DLGAP2: variants seen among roughly 807,000 people sequenced by gnomAD.
DLGAP2 encodes the protein disks large-associated protein 2.
DLGAP2 carries 26 observed loss-of-function variants against 100.3 expected under a neutral mutation model. The observed-to-expected ratio is 0.26, with a 90% confidence interval of 0.19 to 0.36. The LOEUF is 0.36. Among genes scored for constraint, DLGAP2 ranks in the 10% least tolerant of loss-of-function variants. The probability of loss-of-function intolerance (pLI) is 1.00; values close to 1 mark genes in which losing one functional copy is unlikely to be tolerated. For missense variants in DLGAP2, 1,858 were observed against 1,453.2 expected, an observed-to-expected ratio of 1.28 and a Z score of -4.53; for synonymous variants, 886 against 630.1, an observed-to-expected ratio of 1.41 and a Z score of -6.08.
At chr8:1,500,581 C>G (rs1172111393) in intron 3 of DLGAP2, among the ~76,000 whole-genome samples, 2 of 152,272 alleles carry the variant, frequency 1.3e-5, no homozygotes, top group Non-Finnish European at 2.9e-5. Flanking sequence ...GGGAGGAGAG[C>G]TACGGGATGA....
intron 2 of DLGAP2, among the ~76,000 whole-genome samples, chr8:1,076,680 C>G (rs1385030062): frequency 2.6e-5 from 4 of 152,216 alleles, no homozygotes; most frequent in Admixed American, 6.5e-5. Context: ...TCGTCTTCCT[C>G]ATCGTTAAAG....
chr8:1,495,969 A>T (rs1484008191), intron 3 of DLGAP2, among the ~76,000 whole-genome samples: 1 of 152,088 alleles, frequency 6.6e-6, no homozygotes, highest in Non-Finnish European at 1.5e-5. Flanking sequence ...GATGGATGAA[A>T]CAAGACTGTG....
intron 1 of DLGAP2, among the ~76,000 whole-genome samples, chr8:884,989 A>G (rs1198904130): frequency 6.6e-6 from 1 of 152,094 alleles, no homozygotes. Flanking sequence ...CCATTGGTCT[A>G]TATGTCTGTT....
intron 5 of DLGAP2, among the ~76,000 whole-genome samples, chr8:1,559,822 C>T (rs1360855775): frequency 4.6e-5 from 7 of 152,244 alleles, no homozygotes; most frequent in Admixed American, 4.6e-4. Context: ...TGCCCAGGAA[C>T]TGGGTGGCCG....
chr8:1,371,629 T>G (rs1029218827), intron 3 of DLGAP2, among the ~76,000 whole-genome samples: 2 of 152,236 alleles, frequency 1.3e-5, no homozygotes, highest in African/African-American at 4.8e-5. Context: ...TTCTTAAATT[T>G]GATGGTAATG....
At chr8:979,352 A>G (rs1259866789) in intron 2 of DLGAP2, among the ~76,000 whole-genome samples, 1 of 152,228 alleles carries the variant, frequency 6.6e-6, no homozygotes, top group Non-Finnish European at 1.5e-5. Flanking sequence ...CCACCCCACA[A>G]GGGAGAAATT....
chr8:1,508,627 G>C (rs905085207), intron 4 of DLGAP2, among the ~76,000 whole-genome samples: 1 of 143,684 alleles, frequency 7.0e-6, no homozygotes, highest in Admixed American at 7.1e-5. Flanking sequence ...GTGCCAGTAA[G>C]AATGACCTGG....
At chr8:1,520,312 G>A (rs1800548763) in intron 4 of DLGAP2, among the ~76,000 whole-genome samples, 1 of 152,158 alleles carries the variant, frequency 6.6e-6, no homozygotes, top group Non-Finnish European at 1.5e-5. Context: ...TGCAATCGGG[G>A]AACCCAGAAA....
At chr8:1,192,013 G>A (rs946614656) in intron 2 of DLGAP2, among the ~76,000 whole-genome samples, 1 of 152,266 alleles carries the variant, frequency 6.6e-6, no homozygotes, top group African/African-American at 2.4e-5. Context: ...TGTGAGTTCC[G>A]GTTACCTTGT....
At chr8:1,407,260 GTGCTT>G (rs1225072709) in intron 3 of DLGAP2, among the ~76,000 whole-genome samples, 4 of 28,276 alleles carry the variant, frequency 1.4e-4, no homozygotes, top group Admixed American at 5.8e-4. Context: ...CGTGTATTGA[GTGCTT>G]ACTGAGCGCC....
intron 1 of DLGAP2, among the ~76,000 whole-genome samples, chr8:803,467 T>C (rs960771265): frequency 1.3e-5 from 2 of 152,178 alleles, no homozygotes; most frequent in Non-Finnish European, 2.9e-5. Flanking sequence ...CCACCTCTAC[T>C]CTAGCTGCTC....
chr8:1,440,710 T>A (rs1393611436), intron 3 of DLGAP2, among the ~76,000 whole-genome samples: 1 of 152,218 alleles, frequency 6.6e-6, no homozygotes, highest in Non-Finnish European at 1.5e-5. Flanking sequence ...GGGCCCTTGG[T>A]GTCTCTTTAC....
chr8:880,886 C>A (rs1797776468), intron 1 of DLGAP2, among the ~76,000 whole-genome samples: 1 of 152,196 alleles, frequency 6.6e-6, no homozygotes, highest in Non-Finnish European at 1.5e-5. Flanking sequence ...CTCCTCCATG[C>A]ATAAACATAA....
intron 8 of DLGAP2, among the ~76,000 whole-genome samples, chr8:1,648,919 A>T (rs998839679): frequency 5.3e-5 from 8 of 152,164 alleles, no homozygotes; most frequent in Non-Finnish European, 1.0e-4. Flanking sequence ...AAAACCTACA[A>T]ATCCTATCAC....
chr8:1,309,990 G>C (rs1800577619), intron 3 of DLGAP2, among the ~76,000 whole-genome samples: 1 of 150,990 alleles, frequency 6.6e-6, no homozygotes, highest in Admixed American at 6.6e-5. Context: ...AGCTACTTGG[G>C]AGGCTGAGGC....
intron 3 of DLGAP2, among the ~76,000 whole-genome samples, chr8:1,492,520 G>T (rs186981620): frequency 2.2e-4 from 34 of 152,354 alleles, no homozygotes; most frequent in African/African-American, 8.2e-4. Flanking sequence ...TCCGGAAGCA[G>T]CTCCTGTGGG....
chr8:812,475 A>C (rs1233675923), intron 1 of DLGAP2, among the ~76,000 whole-genome samples: 1 of 152,174 alleles, frequency 6.6e-6, no homozygotes. Context: ...GGAATGTAAA[A>C]TTGAAGAAAG....
chr8:972,863 C>A (rs1046061298), intron 2 of DLGAP2, among the ~76,000 whole-genome samples: 36 of 152,302 alleles, frequency 2.4e-4, no homozygotes, highest in Non-Finnish European at 4.7e-4. Context: ...TAACAAAGCA[C>A]ATCTTGCACC....
intron 2 of DLGAP2, among the ~76,000 whole-genome samples, chr8:1,165,123 A>G (rs966284488): frequency 2.1e-5 from 3 of 141,530 alleles, no homozygotes; most frequent in East Asian, 2.4e-4. Context: ...TTCTGCTGCC[A>G]GATAGAGAGA....
Sources: allele counts gnomAD v4.1 joint callset (sites outside exome capture counted in the v4.1 genomes callset), GRCh38; gene constraint gnomAD v4.1.1; transcripts MANE v1.5; gene names NCBI Gene and HGNC (gene_info 2026-07-23, HGNC 2026-07-21).